The following IPO7 variants were observed in gnomAD, a reference collection of about 807,000 sequenced individuals.
IPO7 encodes the protein importin-7.
In IPO7, 13 loss-of-function variants were observed where a neutral mutation model predicts 136.4. The observed-to-expected ratio is 0.10, with a 90% CI of 0.06 to 0.15. The LOEUF (loss-of-function observed/expected upper bound fraction) is 0.15. Ranked by LOEUF, IPO7 falls within the 10% of genes least tolerant of loss-of-function variation. The pLI, the probability that IPO7 is intolerant of heterozygous loss-of-function variation, is 1.00. For missense variants in IPO7, 857 were observed against 1,240.6 expected (o/e 0.69, Z 4.65); for synonymous variants, 403 against 404.4 (o/e 1.00, Z 0.04).
At chr11:9,392,331 C>G (rs1257970561) in intron 1 of IPO7, 1 of 283,408 alleles carries the variant, frequency 3.5e-6, no homozygotes, top group African/African-American at 2.3e-5. Context: ...GTATGCATTA[C>G]CACGTCCGGC....
rs1039607111 is a variant in IPO7, at chr11:9,447,107, T to C, written c.*1913T>C. 1 of 152,342 alleles carries C rather than the reference T, an allele frequency of 6.6e-6. No individual in the cohort carries two copies. Among genetic ancestry groups the C allele is most frequent in the Non-Finnish European group, 1.5e-5 (1 of 68,014 alleles). 9.4% of individuals were successfully genotyped at this position (152,342 alleles called of 1,614,324 possible). A position where few individuals can be genotyped will look rare whatever the true frequency, so the allele number is the denominator to read the frequency against. On this transcript the variant is annotated 3_prime_UTR_variant, in exon 25 of 25. Transcript: ENST00000379719. The stretch of plus-strand genomic sequence containing the variant: ...TAGTATTAAAGAAACATTCTCGTCT[T>C]CCTTTACCTTTAATCCCCTAATACC...
At chr11:9,440,122 A>G (rs374400705) in intron 22 of IPO7, among the ~76,000 whole-genome samples, 7 of 152,326 alleles carry the variant, frequency 4.6e-5, no homozygotes, top group East Asian at 3.9e-4. Flanking sequence ...AGCTATTGCT[A>G]TTTTTGTCTT....
At chr11:9,444,228 A>G (rs1025922570) in intron 24 of IPO7, among the ~76,000 whole-genome samples, 3 of 149,542 alleles carry the variant, frequency 2.0e-5, no homozygotes, top group East Asian at 2.0e-4. Context: ...CAGTGAGCCA[A>G]CATTGCGCCA....
At position 9,420,698 on chromosome 11, in the gene IPO7, A is replaced by G; in HGVS notation, c.906A>G (p.Gln302=). The G allele has an allele frequency of 6.2e-7, 1 of 1,601,422 alleles. No homozygotes were observed. Among genetic ancestry groups the G allele is most frequent in the Non-Finnish European group, 8.6e-7 (1 of 1,168,848 alleles). The change falls in exon 8 of 25, where the codon CAA becomes CAG. Residue 302 remains glutamine, a splice_region_variant and synonymous_variant. Transcript: ENST00000379719. ...AGGCATTTGCTGTTGGTGTCCAGCA[A>G]GTAAGTCTGTTTTTAGTTTTTCTCA... ...FLKAFAVGVQ[Q]VLLKVLYQYK...
At position 9,397,330 on chromosome 11, in the gene IPO7, AT is replaced by A. The variant is rs764314175; in HGVS notation, c.85-5957del. On this transcript the variant is annotated intron_variant, in intron 1 of 24. Transcript: ENST00000379719. ...TGAAACCCCGTCTTTACTAAAAATA[AT>A]TTAAAAAAAAATATATATATATATA... Among the ~76,000 whole-genome samples, 114 of 33,986 alleles carry A rather than the reference AT, an allele frequency of 3.4e-3. 7 individuals carry two copies. Among genetic ancestry groups the A allele is most frequent in the East Asian group, 0.015 (7 of 462 alleles). The allele number at this position is 33,986 out of a possible 152,430, so 22.3% of individuals were successfully genotyped here.
rs1169692132 is a variant in IPO7, at chr11:9,447,549, G to A, written c.*2355G>A. ...CTGCAGGATTTTTGGAAAACTTTTT[G>A]AATGTATTTACAATATTCTCTTGTA... is the stretch of plus-strand genomic sequence containing the variant. On this transcript the variant is annotated 3_prime_UTR_variant, in exon 25 of 25. Transcript: ENST00000379719. 1 of 152,072 alleles carries A rather than the reference G, an allele frequency of 6.6e-6. No homozygotes were observed. Among genetic ancestry groups the A allele is most frequent in the Non-Finnish European group, 1.5e-5 (1 of 67,998 alleles). The allele number at this position is 152,072 out of a possible 1,614,324, so 9.4% of individuals were successfully genotyped here.
chr11:9,420,846 T>C, intron 8 of IPO7, 148 bp downstream of exon 8: 1 of 597,984 alleles, frequency 1.7e-6, no homozygotes, highest in East Asian at 2.8e-5. Context: ...AGGATCTCTT[T>C]ATGTTCAAAT....
chr11:9,423,202 T>C, intron 9 of IPO7, 62 bp downstream of exon 9: 1 of 1,151,898 alleles, frequency 8.7e-7, no homozygotes, highest in Non-Finnish European at 1.2e-6. Flanking sequence ...TCAATTGCCA[T>C]AAAGGTTGAA....
rs186096529 is a variant in IPO7 at position 9,433,946 on chromosome 11, G to A, written c.2074+100G>A. On this transcript the variant is annotated intron_variant, in intron 18 of 24. Transcript: ENST00000379719. ...CACTTTTTTTTTTTTTTTTTGAGTC[G>A]GAATTTTGCTCTTGTTGCCCAGGCT... 279 of 1,178,376 alleles carry A rather than the reference G, an allele frequency of 2.4e-4. No individual in the cohort carries two copies. In the East Asian group the frequency reaches 5.4e-3, roughly 23 times the overall value. The allele number at this position is 1,178,376 out of a possible 1,614,324, so 73.0% of individuals were successfully genotyped here.
At chr11:9,423,903 C>CA (rs1346532266) in intron 10 of IPO7, 27 bp downstream of exon 10, 1 of 1,314,232 alleles carries the variant, frequency 7.6e-7, no homozygotes, top group Admixed American at 1.8e-5. Flanking sequence ...TTTTTAGAAA[C>CA]AAAAAATGTC....
intron 1 of IPO7, among the ~76,000 whole-genome samples, chr11:9,389,373 A>C (rs1854597206): frequency 6.6e-6 from 1 of 152,172 alleles, no homozygotes; most frequent in Admixed American, 6.5e-5. Flanking sequence ...AATGCCAGGA[A>C]GATTTTTATT....
chr11:9,433,506 G>A (rs116491230), intron 16 of IPO7, 64 bp from the exon 17 acceptor site: 60 of 1,058,152 alleles, frequency 5.7e-5, no homozygotes, highest in Admixed American at 1.1e-4. Context: ...ATTATAATAT[G>A]CGTTGTCTTA....
chr11:9,424,510 G>A (rs1462180907), intron 10 of IPO7, among the ~76,000 whole-genome samples: 3 of 152,186 alleles, frequency 2.0e-5, no homozygotes, highest in East Asian at 1.9e-4. Flanking sequence ...TTGGGAGGCC[G>A]AGGCAGGCAG....
At chr11:9,409,664 C>T (rs1410622413) in intron 3 of IPO7, among the ~76,000 whole-genome samples, 1 of 152,158 alleles carries the variant, frequency 6.6e-6, no homozygotes, top group East Asian at 1.9e-4. Flanking sequence ...AGGTGTGAGC[C>T]ACCGCACCCA....
intron 10 of IPO7, 122 bp from the exon 11 acceptor site, chr11:9,424,792 T>C (rs1855181012): frequency 1.5e-6 from 1 of 667,874 alleles, no homozygotes; most frequent in South Asian, 1.8e-5. Context: ...GAATTCTGCT[T>C]TTGCAAAATT....
intron 22 of IPO7, among the ~76,000 whole-genome samples, chr11:9,439,789 G>A (rs939230765): frequency 9.9e-5 from 15 of 151,942 alleles, no homozygotes; most frequent in African/African-American, 3.6e-4. Flanking sequence ...TGGCCAGGGT[G>A]GTCTCAATCT....
At chr11:9,408,389 G>A (rs996959905) in intron 2 of IPO7, 97 bp from the exon 3 acceptor site, 12 of 635,962 alleles carry the variant, frequency 1.9e-5, no homozygotes, top group African/African-American at 1.3e-4. Flanking sequence ...CTTTACAAAC[G>A]GTAGTGTGAA....
At chr11:9,437,660 A>G (rs979975251) in intron 20 of IPO7, 94 bp from the exon 21 acceptor site, 37 of 855,516 alleles carry the variant, frequency 4.3e-5, no homozygotes, top group Non-Finnish European at 6.0e-5. Flanking sequence ...ATGCTACAAT[A>G]GGGTTAATTG....
chr11:9,411,934 G>A (rs1419388174), intron 4 of IPO7, among the ~76,000 whole-genome samples: 1 of 152,182 alleles, frequency 6.6e-6, no homozygotes, highest in Non-Finnish European at 1.5e-5. Flanking sequence ...AACTCTCTTA[G>A]GGTGGGTGAT....
Sources: allele counts gnomAD v4.1 joint callset (sites outside exome capture counted in the v4.1 genomes callset), GRCh38; gene constraint gnomAD v4.1.1; transcripts MANE v1.5; gene names NCBI Gene and HGNC (gene_info 2026-07-23, HGNC 2026-07-21).